The following ACMSD variants were observed in gnomAD, a reference collection of about 807,000 sequenced individuals.
ACMSD encodes 2-amino-3-carboxymuconate-6-semialdehyde decarboxylase.
ACMSD carries 37 observed loss-of-function variants against 45.9 expected under a neutral mutation model. That is an observed-to-expected ratio of 0.81 (90% confidence interval 0.62 to 1.06). The LOEUF (loss-of-function observed/expected upper bound fraction) is 1.06, where lower values mean the gene tolerates loss of function less well. Ranked by LOEUF, ACMSD falls within the 50% of genes least tolerant of loss-of-function variation. ACMSD has a pLI of 0.00. For missense variants in ACMSD, 434 were observed against 420.9 expected (o/e 1.03, Z -0.27); for synonymous variants, 138 against 148.8 (o/e 0.93, Z 0.53).
chr2:134,897,036 TTTTTA>T, intron 8 of ACMSD, among the ~76,000 whole-genome samples: 1 of 152,232 alleles, frequency 6.6e-6, no homozygotes, highest in Admixed American at 6.5e-5. Flanking sequence ...GAAAAAAATT[TTTTTA>T]AACATTCTAT....
At chr2:134,880,532 A>T (rs116122045) in intron 8 of ACMSD, among the ~76,000 whole-genome samples, 41 of 152,158 alleles carry the variant, frequency 2.7e-4, no homozygotes, top group Middle Eastern at 3.4e-3. Context: ...AACTTTATTT[A>T]AAAAGGCTTC....
At chr2:134,883,859 C>T (rs1464100137) in intron 8 of ACMSD, among the ~76,000 whole-genome samples, 1 of 152,180 alleles carries the variant, frequency 6.6e-6, no homozygotes, top group Non-Finnish European at 1.5e-5. Flanking sequence ...TGGCATTACT[C>T]AATAGAGTAT....
chr2:134,901,122 G>A (rs1054869178), intron 9 of ACMSD, among the ~76,000 whole-genome samples: 1 of 152,184 alleles, frequency 6.6e-6, no homozygotes, highest in Non-Finnish European at 1.5e-5. Flanking sequence ...TTAATGGTAT[G>A]GATGTCACAC....
intron 2 of ACMSD, among the ~76,000 whole-genome samples, chr2:134,856,263 T>C (rs1306898771): frequency 2.0e-5 from 3 of 152,312 alleles, no homozygotes; most frequent in Admixed American, 1.3e-4. Context: ...CAAGACCACA[T>C]AGTAAGTGGC....
intron 5 of ACMSD, 125 bp downstream of exon 5, chr2:134,863,756 T>C: frequency 1.1e-6 from 1 of 944,112 alleles, no homozygotes; most frequent in Admixed American, 2.2e-5. Context: ...GTCCACGACT[T>C]GTTTGATGTA....
At chr2:134,847,838 TTTC>T (rs1474520230) in intron 2 of ACMSD, among the ~76,000 whole-genome samples, 1 of 144,380 alleles carries the variant, frequency 6.9e-6, no homozygotes, top group Non-Finnish European at 1.5e-5. Context: ...TATGCCACAT[TTTC>T]TTTTCTTCTT....
chr2:134,848,039 C>G (rs1687163637), intron 2 of ACMSD, among the ~76,000 whole-genome samples: 1 of 152,050 alleles, frequency 6.6e-6, no homozygotes, highest in South Asian at 2.1e-4. Context: ...TTAGTAGAGA[C>G]AGGGTTTCTC....
At chr2:134,899,290 T>C (rs1007726910) in intron 9 of ACMSD, among the ~76,000 whole-genome samples, 3 of 152,128 alleles carry the variant, frequency 2.0e-5, no homozygotes, top group African/African-American at 7.2e-5. Context: ...CATTAACAGA[T>C]GCCAAGAAAA....
At chr2:134,882,295 T>G (rs1432774583) in intron 8 of ACMSD, among the ~76,000 whole-genome samples, 1 of 152,160 alleles carries the variant, frequency 6.6e-6, no homozygotes, top group African/African-American at 2.4e-5. Context: ...CCTTTCTGTC[T>G]TCTCAAGAAG....
chr2:134,862,774 G>A (rs1457599520), intron 4 of ACMSD, among the ~76,000 whole-genome samples: 1 of 152,224 alleles, frequency 6.6e-6, no homozygotes, highest in African/African-American at 2.4e-5. Context: ...AGACAACTGA[G>A]GCTGCAGGAG....
intron 8 of ACMSD, among the ~76,000 whole-genome samples, chr2:134,892,401 A>C (rs567607906): frequency 1.7e-3 from 262 of 152,188 alleles, no homozygotes; most frequent in African/African-American, 5.4e-3. Flanking sequence ...CAAAACTTGA[A>C]GCTAGAGAGG....
rs192548985 is a variant in ACMSD at position 134,850,354 on chromosome 2, C to T, written c.102+5077C>T. Among the ~76,000 whole-genome samples, 222 of 151,670 alleles carry T rather than the reference C, an allele frequency of 1.5e-3. 1 individual carries two copies. The highest frequency in any genetic ancestry group is 2.9e-3 in the South Asian group (14 of 4,790). ...CACCATCTCAGCTCACTGCAACCTC[C>T]ATCTCCCAGGTTCAAGCGATTCTCC... On this transcript the variant is annotated intron_variant, in intron 2 of 9. Coordinates refer to ENST00000356140, the MANE Select transcript of ACMSD (RefSeq NM_138326.3).
intron 8 of ACMSD, among the ~76,000 whole-genome samples, chr2:134,890,205 A>G (rs561732529): frequency 1.3e-5 from 2 of 152,190 alleles, no homozygotes; most frequent in East Asian, 3.9e-4. Context: ...CAAAATTACC[A>G]ATACTAAGAC....
At chr2:134,885,840 A>G (rs1689407990) in intron 8 of ACMSD, among the ~76,000 whole-genome samples, 1 of 152,096 alleles carries the variant, frequency 6.6e-6, no homozygotes, top group African/African-American at 2.4e-5. Context: ...TCATTACTCT[A>G]TTAGAAAATT....
chr2:134,841,866 G>A (rs1336551023), intron 1 of ACMSD, among the ~76,000 whole-genome samples: 2 of 152,080 alleles, frequency 1.3e-5, no homozygotes, highest in Non-Finnish European at 2.9e-5. Context: ...TCGATATAAG[G>A]CTTTAGAAGA....
At position 134,901,467 on chromosome 2, in the gene ACMSD, C is replaced by T. The variant is rs999343168; in HGVS notation, c.949-331C>T. ...TTTGCAGCCCTCTTGTCCCACAGAC[C>T]TAACTGTACCTTTTCTCTGTATTTG... On this transcript the variant is annotated intron_variant, in intron 9 of 9. Coordinates refer to ENST00000356140, the MANE Select transcript of ACMSD (RefSeq NM_138326.3). 1.4e-4 allele frequency among the ~76,000 whole-genome samples: 22 copies of T among 152,262 alleles called. No individual in the cohort carries two copies. In the East Asian group the frequency reaches 3.5e-3, roughly 24 times the overall value.
intron 2 of ACMSD, among the ~76,000 whole-genome samples, chr2:134,845,510 TC>T (rs1687011280): frequency 3.0e-5 from 1 of 33,082 alleles, no homozygotes; most frequent in Non-Finnish European, 4.1e-5. Flanking sequence ...CATTAAAAGG[TC>T]TCTCTCTCTC....
At chr2:134,871,431 A>T (rs1238942874) in intron 7 of ACMSD, among the ~76,000 whole-genome samples, 1 of 151,888 alleles carries the variant, frequency 6.6e-6, no homozygotes, top group African/African-American at 2.4e-5. Flanking sequence ...AGTTCGTAAC[A>T]TCCTTCCAGC....
At chr2:134,845,509 G>GTCTC (rs59782657) in intron 2 of ACMSD, among the ~76,000 whole-genome samples, 5,232 of 94,354 alleles carry the variant, frequency 0.055, 197 homozygotes, top group African/African-American at 0.062. Context: ...ACATTAAAAG[G>GTCTC]TCTCTCTCTC....
Sources: gnomAD v4.1 joint callset for allele counts (sites outside exome capture counted in the v4.1 genomes callset) on GRCh38, gnomAD v4.1.1 for gene constraint, MANE v1.5 for transcripts, NCBI Gene and HGNC (gene_info 2026-07-23, HGNC 2026-07-21) for gene names.